Variants in LSAMP observed in about 807,000 individuals in gnomAD.
LSAMP encodes limbic system associated membrane protein.
LSAMP carries 7 observed loss-of-function variants against 38.6 expected under a neutral mutation model. That is an observed-to-expected ratio of 0.18 (90% CI 0.10 to 0.34). LSAMP has a LOEUF of 0.34. Among genes scored for constraint, LSAMP ranks in the 10% least tolerant of loss-of-function variants. LSAMP has a pLI of 1.00. For synonymous variants in LSAMP, 154 were observed against 166.8 expected, an observed-to-expected ratio of 0.92 and a Z score of 0.59; for missense variants, 313 against 420.0, an observed-to-expected ratio of 0.75 and a Z score of 2.23.
intron 1 of LSAMP, among the ~76,000 whole-genome samples, chr3:116,186,123 T>A (rs536980598): frequency 1.3e-5 from 2 of 152,192 alleles, no homozygotes; most frequent in Admixed American, 6.5e-5. Flanking sequence ...AGCTGGAGAT[T>A]GTGTGTCTGG....
chr3:116,245,933 A>G (rs1045405968), intron 1 of LSAMP, among the ~76,000 whole-genome samples: 12 of 152,300 alleles, frequency 7.9e-5, no homozygotes, highest in African/African-American at 2.9e-4. Context: ...AAAAAGTCCC[A>G]AAGTAGGCCA....
At chr3:116,034,966 AAC>A (rs991868194) in intron 2 of LSAMP, among the ~76,000 whole-genome samples, 1 of 152,212 alleles carries the variant, frequency 6.6e-6, no homozygotes. Flanking sequence ...GAAGCTGCAC[AAC>A]ACATTAGGCT....
intron 1 of LSAMP, among the ~76,000 whole-genome samples, chr3:116,292,457 A>G (rs757365976): frequency 3.3e-5 from 5 of 152,182 alleles, no homozygotes; most frequent in Non-Finnish European, 7.3e-5. Flanking sequence ...AAAAAATACC[A>G]CTAGGAAACA....
chr3:116,425,845 G>C (rs1489534941), intron 1 of LSAMP, among the ~76,000 whole-genome samples: 7 of 147,936 alleles, frequency 4.7e-5, no homozygotes, highest in Non-Finnish European at 8.9e-5. Flanking sequence ...TAGGTAAATA[G>C]ATGGGAAAAA....
intron 1 of LSAMP, among the ~76,000 whole-genome samples, chr3:116,297,847 A>G (rs765217845): frequency 6.6e-6 from 1 of 152,160 alleles, no homozygotes. Context: ...AAAACACAGT[A>G]TTTTAGTTTT....
At chr3:116,137,230 G>T (rs78436794) in intron 1 of LSAMP, among the ~76,000 whole-genome samples, 2,588 of 151,888 alleles carry the variant, frequency 0.017, 73 homozygotes, top group African/African-American at 0.058. Context: ...AATCCAGGAT[G>T]ATCTCATTTT....
intron 1 of LSAMP, among the ~76,000 whole-genome samples, chr3:116,328,652 G>C (rs1345946382): frequency 6.6e-6 from 1 of 152,080 alleles, no homozygotes; most frequent in Admixed American, 6.6e-5. Flanking sequence ...GCTGAAAAGT[G>C]ATAGGGGCAT....
At chr3:116,088,705 G>T (rs1384863237) in intron 1 of LSAMP, among the ~76,000 whole-genome samples, 2 of 152,134 alleles carry the variant, frequency 1.3e-5, no homozygotes, top group Non-Finnish European at 2.9e-5. Context: ...GGTCAGATTT[G>T]CTACATTATA....
intron 1 of LSAMP, among the ~76,000 whole-genome samples, chr3:116,337,531 T>C (rs2047936588): frequency 6.6e-6 from 1 of 152,014 alleles, no homozygotes; most frequent in Non-Finnish European, 1.5e-5. Flanking sequence ...AGAGTATTTT[T>C]ACTGTATGTT....
At chr3:115,869,269 G>GGAGA (rs35112915) in intron 3 of LSAMP, among the ~76,000 whole-genome samples, 5,052 of 128,458 alleles carry the variant, frequency 0.039, 260 homozygotes, top group African/African-American at 0.11. Flanking sequence ...TCTTGGAGGG[G>GGAGA]GAGAGAGAGA....
intron 1 of LSAMP, among the ~76,000 whole-genome samples, chr3:116,413,380 A>C (rs2049005922): frequency 6.6e-6 from 1 of 152,022 alleles, no homozygotes; most frequent in Non-Finnish European, 1.5e-5. Flanking sequence ...ACACTTTCTC[A>C]TTTATTAAGG....
chr3:115,991,072 C>T (rs1196534051), intron 3 of LSAMP, among the ~76,000 whole-genome samples: 8 of 152,010 alleles, frequency 5.3e-5, no homozygotes, highest in Admixed American at 2.0e-4. Flanking sequence ...GCTATGCCTC[C>T]ATTTCTTCTA....
chr3:115,935,688 T>C (rs970288453), intron 3 of LSAMP, among the ~76,000 whole-genome samples: 2 of 152,164 alleles, frequency 1.3e-5, no homozygotes, highest in South Asian at 4.1e-4. Flanking sequence ...GAAACTCTCA[T>C]CTCAGAGTGG....
In LSAMP at chr3:115,846,297, C is replaced by T. The variant is rs577225708; in HGVS notation, c.650-3719G>A. Among the ~76,000 whole-genome samples, 317 of 152,146 alleles carry T rather than the reference C, an allele frequency of 2.1e-3. 4 individuals are homozygous for T. The highest frequency in any genetic ancestry group is 6.7e-3 in the African/African-American group (280 of 41,520). On this transcript the variant is annotated intron_variant, in intron 4 of 6. Transcript: ENST00000490035. ...TCCAGTTTATATTAATTCAAAATTC[C>T]ACGTTCTGAAAATATTAATAGGGCC...
intron 2 of LSAMP, among the ~76,000 whole-genome samples, chr3:116,051,413 T>C (rs1221550971): frequency 1.3e-5 from 2 of 152,212 alleles, no homozygotes; most frequent in African/African-American, 2.4e-5. Flanking sequence ...AAATCTCCCT[T>C]TGAAAATGCA....
chr3:116,157,304 A>T (rs533950660), intron 1 of LSAMP, among the ~76,000 whole-genome samples: 114 of 152,240 alleles, frequency 7.5e-4, no homozygotes, highest in Non-Finnish European at 1.4e-3. Context: ...ATACTAAAGG[A>T]ACTGAAAAAA....
intron 1 of LSAMP, among the ~76,000 whole-genome samples, chr3:116,350,635 T>TA (rs926347654): frequency 9.9e-5 from 15 of 151,900 alleles, no homozygotes; most frequent in African/African-American, 3.6e-4. Context: ...CTTTTTTTTT[T>TA]TTTACTTAAT....
intron 3 of LSAMP, among the ~76,000 whole-genome samples, chr3:115,883,096 C>A (rs1042475547): frequency 6.6e-6 from 1 of 152,026 alleles, no homozygotes; most frequent in Non-Finnish European, 1.5e-5. Flanking sequence ...AATTCCTGTT[C>A]CACTAAATTC....
chr3:115,947,786 G>C (rs993393162), intron 3 of LSAMP, among the ~76,000 whole-genome samples: 1 of 152,196 alleles, frequency 6.6e-6, no homozygotes, highest in Non-Finnish European at 1.5e-5. Context: ...GAAAGAGTAA[G>C]AGAGGGATGA....
Sources: allele counts gnomAD v4.1 joint callset (sites outside exome capture counted in the v4.1 genomes callset), GRCh38; gene constraint gnomAD v4.1.1; transcripts MANE v1.5; gene names NCBI Gene and HGNC (gene_info 2026-07-23, HGNC 2026-07-21).